ZFYVE1: variants seen among roughly 807,000 people sequenced by gnomAD.
ZFYVE1 encodes the protein zinc finger FYVE-type containing 1, also known as zinc finger FYVE domain-containing protein 1.
A neutral mutation model predicts 74.4 loss-of-function variants in ZFYVE1; 30 were observed. The ratio of observed to expected loss-of-function variants is 0.40; its 90% CI spans 0.30 to 0.55. ZFYVE1 has a LOEUF of 0.55. Among genes scored for constraint, ZFYVE1 ranks in the 20% least tolerant of loss-of-function variants. The pLI is 0.42. For synonymous variants in ZFYVE1, 335 were observed against 385.1 expected, an observed-to-expected ratio of 0.87 and a Z score of 1.52; for missense variants, 703 against 1,011.6, an observed-to-expected ratio of 0.69 and a Z score of 4.14.
chr14:73,003,320 T>G (rs1893914517), intron 2 of ZFYVE1, among the ~76,000 whole-genome samples: 1 of 152,122 alleles, frequency 6.6e-6, no homozygotes, highest in Non-Finnish European at 1.5e-5. Flanking sequence ...CCTCCCAAAG[T>G]GCTGGGACTA....
In ZFYVE1 at chr14:72,974,773, C is replaced by T. The variant is rs369264081; in HGVS notation, c.1987+6G>A. Reference sequence around the variant, plus strand: ...CCACCCCTGCAGCTCCCAGGTCCCACGTTACCTAACTGGACGTTCCTGGCT... The same window carrying T: ...CCACCCCTGCAGCTCCCAGGTCCCATGTTACCTAACTGGACGTTCCTGGCT... On this transcript the variant is annotated splice_donor_region_variant and intron_variant, in intron 10 of 11. Transcript: ENST00000556143. The T allele has an allele frequency of 2.8e-5, 44 of 1,591,440 alleles. No individual in the cohort carries two copies. The highest frequency in any genetic ancestry group is 2.1e-4 in the Middle Eastern group (1 of 4,668).
rs1893134418 is a variant in ZFYVE1 at position 72,975,101 on chromosome 14, C to T, written c.1807-142G>A. The T allele has an allele frequency of 3.5e-6, 3 of 850,790 alleles. No homozygotes were observed. Among genetic ancestry groups the T allele is most frequent in the Admixed American group, 3.0e-5 (1 of 32,864 alleles). The allele number at this position is 850,790 out of a possible 1,614,324, so 52.7% of individuals were successfully genotyped here. A position where few individuals can be genotyped will look rare whatever the true frequency, so the allele number is the denominator to read the frequency against. On this transcript the variant is annotated intron_variant, in intron 9 of 11. Transcript: ENST00000556143. The surrounding 1 kb of genome is among the most constrained non-coding windows in gnomAD (Gnocchi z 4.1). ...AACAAGGACAAGAGCTTTCTAGTAA[C>T]GCGTTATCTGAGAATGGAAAGGAAG...
At position 72,993,279 on chromosome 14, in the gene ZFYVE1, G is replaced by A. The variant is rs1222978086; in HGVS notation, c.1067C>T (p.Ser356Phe). 6.2e-6 allele frequency: 10 copies of A among 1,613,598 alleles called. No individual in the cohort carries two copies. The highest frequency in any genetic ancestry group is 7.6e-6 in the Non-Finnish European group (9 of 1,179,994). Residue 356 changes from serine (S) to phenylalanine (F), a missense_variant, in exon 4 of 12, where the codon TCC becomes TTC. Transcript: ENST00000556143. Reference sequence around the variant, plus strand: ...AGTCCTCGTTCCCTTGTAGTGAATGGAACTAAAGGCTTCAGGGAAACGGCC... The same window carrying A: ...AGTCCTCGTTCCCTTGTAGTGAATGAAACTAAAGGCTTCAGGGAAACGGCC... ...KLGRFPEAFSSIHYKGTRTYN... is the reference protein window; with the variant it reads ...KLGRFPEAFSFIHYKGTRTYN...
chr14:73,006,295 C>G (rs113617439), intron 2 of ZFYVE1, among the ~76,000 whole-genome samples: 1 of 148,178 alleles, frequency 6.7e-6, no homozygotes, highest in Non-Finnish European at 1.5e-5. Flanking sequence ...CTTTACGAGG[C>G]TGGGCGTGGT....
At chr14:72,989,494 T>C (rs532672143) in intron 4 of ZFYVE1, among the ~76,000 whole-genome samples, 1 of 152,358 alleles carries the variant, frequency 6.6e-6, no homozygotes, top group South Asian at 2.1e-4. Flanking sequence ...TTAAGTCTCA[T>C]ACATTCTGCA....
intron 2 of ZFYVE1, among the ~76,000 whole-genome samples, chr14:73,013,095 G>A (rs1894122292): frequency 6.6e-6 from 1 of 152,124 alleles, no homozygotes; most frequent in African/African-American, 2.4e-5. Flanking sequence ...GGGGAAGACA[G>A]CAATAACCTA....
At chr14:73,000,969 C>T (rs1893857102) in intron 2 of ZFYVE1, among the ~76,000 whole-genome samples, 1 of 152,236 alleles carries the variant, frequency 6.6e-6, no homozygotes, top group South Asian at 2.1e-4. Context: ...CTTACACGTG[C>T]TCTTACTTTG....
chr14:73,014,055 C>T (rs1455588978), intron 2 of ZFYVE1, among the ~76,000 whole-genome samples: 3 of 152,226 alleles, frequency 2.0e-5, no homozygotes, highest in East Asian at 3.9e-4. Context: ...CAAATGCCTG[C>T]TCAATTCCAG....
intron 2 of ZFYVE1, among the ~76,000 whole-genome samples, chr14:73,001,522 G>A (rs952340054): frequency 6.6e-6 from 1 of 152,048 alleles, no homozygotes; most frequent in Middle Eastern, 3.4e-3. Context: ...TGCTTTTCAC[G>A]ATTATAATTA....
At chr14:73,015,200 C>T (rs1213185728) in intron 2 of ZFYVE1, among the ~76,000 whole-genome samples, 1 of 139,842 alleles carries the variant, frequency 7.2e-6, no homozygotes, top group Non-Finnish European at 1.5e-5. Context: ...CACTGCACTC[C>T]AGCTGGGTGA....
intron 2 of ZFYVE1, among the ~76,000 whole-genome samples, chr14:73,009,065 C>T (rs1410900219): frequency 6.6e-6 from 1 of 152,100 alleles, no homozygotes; most frequent in South Asian, 2.1e-4. Flanking sequence ...TAGCACAGTG[C>T]CTGACGCAAA....
chr14:73,022,288 C>T (rs1254536131), intron 2 of ZFYVE1, among the ~76,000 whole-genome samples: 2 of 152,148 alleles, frequency 1.3e-5, no homozygotes, highest in African/African-American at 4.8e-5. Flanking sequence ...ATACAGGAAT[C>T]ATGATGTAAC....
At chr14:73,006,068 C>G (rs4903088) in intron 2 of ZFYVE1, among the ~76,000 whole-genome samples, 2 of 151,806 alleles carry the variant, frequency 1.3e-5, no homozygotes, top group Admixed American at 6.6e-5. Context: ...ACTACAGGCC[C>G]GCCACCACGC....
At chr14:72,981,006 A>G (rs1893315968) in intron 5 of ZFYVE1, among the ~76,000 whole-genome samples, 1 of 152,170 alleles carries the variant, frequency 6.6e-6, no homozygotes, top group Non-Finnish European at 1.5e-5. Context: ...TAACCATAAC[A>G]AAGTGCGGTC....
rs746375370 is a variant in ZFYVE1, at chr14:73,023,989, C to T, written c.483+37G>A. 2.5e-6 allele frequency: 4 copies of T among 1,596,422 alleles called. No individual in the cohort carries two copies. In the Admixed American group the frequency reaches 5.1e-5, roughly 20 times the overall value. The stretch of plus-strand genomic sequence containing the variant: ...GCTGGCTTCCAACAACAGATCTGCT[C>T]CACTACACATGAATCCCACTATACC... On this transcript the variant is annotated intron_variant, in intron 2 of 11. Transcript: ENST00000556143.
At chr14:72,982,823 G>T (rs1222843416) in intron 4 of ZFYVE1, among the ~76,000 whole-genome samples, 1 of 152,062 alleles carries the variant, frequency 6.6e-6, no homozygotes, top group African/African-American at 2.4e-5. Flanking sequence ...GGCAGGTTAG[G>T]TTTTAAACGA....
chr14:72,975,734 C>T lies in ZFYVE1; in HGVS notation c.1636-13G>A, dbSNP rs753945348. The T allele has an allele frequency of 1.4e-5, 22 of 1,612,496 alleles. No individual in the cohort carries two copies. The highest frequency in any genetic ancestry group is 1.6e-4 in the Middle Eastern group (1 of 6,072). On this transcript the variant is annotated splice_polypyrimidine_tract_variant and intron_variant, in intron 8 of 11. Transcript: ENST00000556143. The surrounding 1 kb of genome is among the most constrained non-coding windows in gnomAD (Gnocchi z 4.1). ...GAAACCCATCAGTCTGAAATGAAAA[C>T]GCAGGCTTCCATCATGCTCTGAGAA...
In ZFYVE1 at chr14:72,975,899, A is replaced by C. The variant is rs979107746; in HGVS notation, c.1636-178T>G. 1.5e-5 allele frequency: 10 copies of C among 671,152 alleles called. No individual in the cohort carries two copies. The African/African-American group carries it at 1.6e-4, about 11-fold the overall frequency. 41.6% of individuals were successfully genotyped at this position (671,152 alleles called of 1,614,324 possible). ...TGGCTTTATTCTCTTCAAAGTGACC[A>C]TAAGACTTGATGTGTAGCTGTTCAA... On this transcript the variant is annotated intron_variant, in intron 8 of 11. Coordinates refer to ENST00000556143, the MANE Select transcript of ZFYVE1 (RefSeq NM_021260.4). This position sits in a 1 kb window ranked among gnomAD's most constrained non-coding sequence, Gnocchi z 4.1.
intron 3 of ZFYVE1, among the ~76,000 whole-genome samples, chr14:72,994,984 C>T (rs1230976016): frequency 6.6e-6 from 1 of 152,228 alleles, no homozygotes; most frequent in South Asian, 2.1e-4. Context: ...TGTCCAGAAA[C>T]TTGGGCAGCC....
Sources: gnomAD v4.1 joint callset for allele counts (sites outside exome capture counted in the v4.1 genomes callset) on GRCh38, gnomAD v4.1.1 for gene constraint, Gnocchi (gnomAD v3.1) non-coding constraint, MANE v1.5 for transcripts, NCBI Gene and HGNC (gene_info 2026-07-23, HGNC 2026-07-21) for gene names.